Variants in GABRG3 observed in about 807,000 individuals in gnomAD.
GABRG3 encodes the protein gamma-aminobutyric acid receptor subunit gamma-3.
GABRG3 carries 25 observed loss-of-function variants against 48.8 expected under a neutral mutation model. That is an observed-to-expected ratio of 0.51 (90% confidence interval 0.37 to 0.72). The LOEUF is 0.72. GABRG3 is among the 30% of genes least tolerant of loss of function. The pLI is 0.00. For synonymous variants in GABRG3, 227 were observed against 217.6 expected (o/e 1.04, Z -0.38); for missense variants, 394 against 577.9 (o/e 0.68, Z 3.26).
At chr15:27,218,475 G>A (rs920172612) in intron 3 of GABRG3, among the ~76,000 whole-genome samples, 10 of 152,170 alleles carry the variant, frequency 6.6e-5, no homozygotes, top group African/African-American at 2.4e-4. Context: ...ATCCCAAAGT[G>A]ACATATTTTG....
At chr15:27,251,969 ACCTGCTGGGC>A (rs1156288883) in intron 3 of GABRG3, among the ~76,000 whole-genome samples, 1 of 152,144 alleles carries the variant, frequency 6.6e-6, no homozygotes, top group Non-Finnish European at 1.5e-5. Context: ...GCGGGGACTT[ACCTGCTGGGC>A]CCTGGGGGCT....
chr15:27,220,284 A>G (rs1273797513), intron 3 of GABRG3, among the ~76,000 whole-genome samples: 2 of 152,180 alleles, frequency 1.3e-5, no homozygotes, highest in Non-Finnish European at 2.9e-5. Flanking sequence ...TCTTTTATTT[A>G]TAGTTGGTTA....
chr15:27,410,216 T>A (rs1386962372), intron 5 of GABRG3, among the ~76,000 whole-genome samples: 1 of 152,240 alleles, frequency 6.6e-6, no homozygotes, highest in African/African-American at 2.4e-5. Context: ...TGGATAACAT[T>A]GATATTTAAT....
intron 3 of GABRG3, among the ~76,000 whole-genome samples, chr15:27,206,977 C>T (rs1047606260): frequency 2.0e-5 from 3 of 152,136 alleles, no homozygotes; most frequent in Non-Finnish European, 4.4e-5. Flanking sequence ...AGATAGCATA[C>T]AATTGGCTTT....
At chr15:27,260,674 G>A (rs1020494080) in intron 3 of GABRG3, among the ~76,000 whole-genome samples, 3 of 152,180 alleles carry the variant, frequency 2.0e-5, no homozygotes, top group Admixed American at 2.0e-4. Flanking sequence ...TATACTGAGG[G>A]ATGATTGTAT....
chr15:27,531,693 CT>C (rs1359237587), intron 9 of GABRG3, among the ~76,000 whole-genome samples: 1 of 152,238 alleles, frequency 6.6e-6, no homozygotes, highest in Non-Finnish European at 1.5e-5. Context: ...AACGTATCCC[CT>C]TAACAGAATT....
intron 2 of GABRG3, among the ~76,000 whole-genome samples, chr15:27,015,486 G>A (rs1417958667): frequency 1.3e-5 from 2 of 149,484 alleles, no homozygotes; most frequent in African/African-American, 2.5e-5. Flanking sequence ...CCGGGTTCAC[G>A]CCATTCTCCT....
rs1057069278 is a variant in GABRG3 at position 27,492,366 on chromosome 15, A to G, written c.712+11579A>G. 4.6e-5 allele frequency among the ~76,000 whole-genome samples: 7 copies of G among 152,210 alleles called. No individual in the cohort carries two copies. The East Asian group carries it at 1.3e-3, about 29-fold the overall frequency. On this transcript the variant is annotated intron_variant, in intron 6 of 9. Coordinates refer to ENST00000615808, the MANE Select transcript of GABRG3 (RefSeq NM_033223.5). Reference sequence around the variant, plus strand: ...TGGTCTTGGTTTAAGTCTCACTTCAAAAGAATCTGAAGATGATGTGAAGTT... The same window carrying G: ...TGGTCTTGGTTTAAGTCTCACTTCAGAAGAATCTGAAGATGATGTGAAGTT...
chr15:27,108,502 G>GTCTATGCTGCTCAATGTTGCATGA (rs1897489525), intron 3 of GABRG3, among the ~76,000 whole-genome samples: 1 of 152,178 alleles, frequency 6.6e-6, no homozygotes, highest in Non-Finnish European at 1.5e-5. Flanking sequence ...CTAGTGCATG[G>GTCTATGCTGCTCAATGTTGCATGA]TCTATGCTGC....
At chr15:27,154,288 C>T (rs2140398539) in intron 3 of GABRG3, among the ~76,000 whole-genome samples, 1 of 152,198 alleles carries the variant, frequency 6.6e-6, no homozygotes, top group South Asian at 2.1e-4. Flanking sequence ...TTCAGGCTGA[C>T]TAAATTTTGG....
chr15:27,449,971 A>T (rs557443299), intron 5 of GABRG3, among the ~76,000 whole-genome samples: 1 of 152,354 alleles, frequency 6.6e-6, no homozygotes, highest in African/African-American at 2.4e-5. Context: ...CTCTTTTAAA[A>T]TATTCACAAT....
chr15:27,315,675 A>G (rs1893188048), intron 3 of GABRG3, among the ~76,000 whole-genome samples: 1 of 152,240 alleles, frequency 6.6e-6, no homozygotes. Context: ...CACATTATGA[A>G]TACCATATGA....
chr15:27,064,450 G>C (rs547222342), intron 3 of GABRG3, among the ~76,000 whole-genome samples: 2 of 152,290 alleles, frequency 1.3e-5, no homozygotes, highest in African/African-American at 4.8e-5. Flanking sequence ...AGGAGCCCCA[G>C]CCCACTGGCT....
Position 27,336,241 on chromosome 15 carries a change from AAAAG to A in GABRG3, c.574+7365_574+7368del, listed in dbSNP as rs1318365230. On this transcript the variant is annotated intron_variant, in intron 5 of 9. Transcript: ENST00000615808. ...GAGAGAGAGAGAGAGAGAGGAGAAG[AAAAG>A]AAAGAAAGAAAAAGAAAGAAAGAAA... Among the ~76,000 whole-genome samples the A allele has an allele frequency of 5.1e-4, 76 of 147,602 alleles. No homozygotes were observed. In the East Asian group the frequency reaches 0.011, roughly 20 times the overall value.
At chr15:27,436,491 T>A (rs1888615289) in intron 5 of GABRG3, among the ~76,000 whole-genome samples, 1 of 152,202 alleles carries the variant, frequency 6.6e-6, no homozygotes, top group South Asian at 2.1e-4. Context: ...ACACCGGACA[T>A]GTACAGTTAC....
At chr15:27,134,113 T>TA (rs1286311042) in intron 3 of GABRG3, among the ~76,000 whole-genome samples, 1 of 152,190 alleles carries the variant, frequency 6.6e-6, no homozygotes, top group Admixed American at 6.5e-5. Context: ...AGCTTGTCCA[T>TA]AGGCATCAGA....
intron 3 of GABRG3, among the ~76,000 whole-genome samples, chr15:27,297,393 G>A (rs1159340592): frequency 6.6e-6 from 1 of 152,016 alleles, no homozygotes; most frequent in East Asian, 1.9e-4. Flanking sequence ...ACTCACCCAG[G>A]GCTACTTCCA....
intron 3 of GABRG3, among the ~76,000 whole-genome samples, chr15:27,222,047 T>C (rs1889470899): frequency 6.6e-6 from 1 of 152,260 alleles, no homozygotes; most frequent in Non-Finnish European, 1.5e-5. Context: ...AGGCAAATTT[T>C]CCTCAATCCC....
At chr15:27,450,580 A>T (rs140011099) in intron 5 of GABRG3, among the ~76,000 whole-genome samples, 136 of 152,314 alleles carry the variant, frequency 8.9e-4, no homozygotes, top group African/African-American at 3.2e-3. Context: ...TAAAGACCAT[A>T]TATGACTAGC....
Sources: gnomAD v4.1 joint callset for allele counts (sites outside exome capture counted in the v4.1 genomes callset) on GRCh38, gnomAD v4.1.1 for gene constraint, MANE v1.5 for transcripts, NCBI Gene and HGNC (gene_info 2026-07-23, HGNC 2026-07-21) for gene names.